The following OTOP2 variants were observed in gnomAD, a reference collection of about 807,000 sequenced individuals.
OTOP2 encodes the protein proton channel OTOP2.
Under a neutral mutation model 47.4 loss-of-function variants are expected in OTOP2, and 41 were observed. The observed-to-expected ratio is 0.87, with a 90% CI of 0.67 to 1.12. The LOEUF is 1.12. OTOP2 is among the 50% of genes most tolerant of loss of function. OTOP2 has a pLI of 0.00. For missense variants in OTOP2, 721 were observed against 752.2 expected (o/e 0.96, Z 0.49); for synonymous variants, 328 against 319.6 (o/e 1.03, Z -0.28).
In OTOP2 at chr17:74,924,767, G is replaced by A; in HGVS notation, c.135G>A (p.Thr45=). 1 of 1,610,252 alleles carries A rather than the reference G, an allele frequency of 6.2e-7. No homozygotes were observed. Among genetic ancestry groups the A allele is most frequent in the South Asian group, 1.1e-5 (1 of 90,534 alleles). The part of the protein sequence containing the change: ...LAVNVLLLAC[T]LISGGAFNKV... The stretch of plus-strand genomic sequence containing the variant: ...TGAACGTGCTGCTCCTCGCCTGCAC[G>A]CTCATCAGCGGCGGAGCCTTCAACA... Residue 45 remains threonine (T), a synonymous_variant, in exon 2 of 7, where the codon ACG becomes ACA. Transcript: ENST00000331427. This position sits in a 1 kb window ranked among gnomAD's most constrained non-coding sequence, Gnocchi z 7.7.
intron 5 of OTOP2, among the ~76,000 whole-genome samples, chr17:74,929,361 G>A (rs558632455): frequency 4.6e-5 from 7 of 152,270 alleles, no homozygotes; most frequent in South Asian, 2.1e-4. Flanking sequence ...AGAAAGGGAT[G>A]GAAGGAATGG....
At chr17:74,928,945 A>G (rs2039032678) in intron 5 of OTOP2, among the ~76,000 whole-genome samples, 2 of 152,110 alleles carry the variant, frequency 1.3e-5, no homozygotes, top group Non-Finnish European at 2.9e-5. Context: ...TGCAAAACCA[A>G]ACCAGGGAGG....
chr17:74,931,075 C>T lies in OTOP2; in HGVS notation c.1440C>T (p.Ile480=), dbSNP rs774834454. Residue 480 remains isoleucine, a synonymous_variant, in exon 6 of 7, where the codon ATC becomes ATT. Transcript: ENST00000331427. The part of the protein sequence containing the change: ...SPSDQREAVA[I]VSTPRSQWRR... ...CAGACCAGCGGGAAGCAGTGGCCAT[C>T]GTCTCAACCCCCAGAAGCCAGTGGA... 1.1e-5 allele frequency: 17 copies of T among 1,614,098 alleles called. No homozygotes were observed. Among genetic ancestry groups the T allele is most frequent in the South Asian group, 8.8e-5 (8 of 91,058 alleles).
At position 74,930,856 on chromosome 17, in the gene OTOP2, A is replaced by G; in HGVS notation, c.1221A>G (p.Ala407=). 10 of 1,613,982 alleles carry G rather than the reference A, an allele frequency of 6.2e-6. No homozygotes were observed. The highest frequency in any genetic ancestry group is 8.5e-6 in the Non-Finnish European group (10 of 1,179,984). Residue 407 remains alanine, a synonymous_variant, in exon 6 of 7, where the codon GCA becomes GCG. Transcript: ENST00000331427. This position sits in a 1 kb window ranked among gnomAD's most constrained non-coding sequence, Gnocchi z 4.0. ...DLLAGLNLTH[A]LLMIAQHTFQ... is the part of the protein sequence containing the mutation. ...TGGCAGGGCTCAACCTCACCCATGC[A>G]CTGCTCATGATCGCCCAGCACACCT...
chr17:74,925,004 C>A (rs1567943343), intron 2 of OTOP2, 59 bp downstream of exon 2: 7 of 1,479,256 alleles, frequency 4.7e-6, no homozygotes. Flanking sequence ...CAGGCTAGGG[C>A]TCTCGCAGGA....
In OTOP2 at chr17:74,933,324, C is replaced by T; in HGVS notation, c.1519-51C>T. 2 of 1,554,356 alleles carry T rather than the reference C, an allele frequency of 1.3e-6. No individual in the cohort carries two copies. Reference sequence around the variant, plus strand: ...GCCCAGCAAAACCCACAGAAATGACCCACAGGCATCCATCCAGGCCAGCTC... The same window carrying T: ...GCCCAGCAAAACCCACAGAAATGACTCACAGGCATCCATCCAGGCCAGCTC... On this transcript the variant is annotated intron_variant, in intron 6 of 6. Transcript: ENST00000331427. The surrounding 1 kb of genome is among the most constrained non-coding windows in gnomAD (Gnocchi z 4.7).
intron 3 of OTOP2, among the ~76,000 whole-genome samples, chr17:74,926,751 TTCTTTTC>T (rs1403151942): frequency 6.6e-6 from 1 of 152,038 alleles, no homozygotes; most frequent in Non-Finnish European, 1.5e-5. Context: ...TTTTTCTTTT[TTCTTTTC>T]TTTTCCTTTT....
In OTOP2 at chr17:74,930,003, C is replaced by T. The variant is rs192321376; in HGVS notation, c.644-276C>T. On this transcript the variant is annotated intron_variant, in intron 5 of 6. Transcript: ENST00000331427. This position sits in a 1 kb window ranked among gnomAD's most constrained non-coding sequence, Gnocchi z 4.0. ...TTCAAGACCAGCCTGGCCAACATGG[C>T]GAAACCCTGTCTCTACTAAAAATAT... Among the ~76,000 whole-genome samples, 626 of 152,124 alleles carry T rather than the reference C, an allele frequency of 4.1e-3. 5 individuals are homozygous for T. The highest frequency in any genetic ancestry group is 7.0e-3 in the Non-Finnish European group (477 of 67,998).
At chr17:74,928,092 T>G in intron 5 of OTOP2, 1 of 359,384 alleles carries the variant, frequency 2.8e-6, no homozygotes. Flanking sequence ...CTTGTAATCC[T>G]AGCACTTTGG....
chr17:74,929,509 T>C (rs577311623), intron 5 of OTOP2, among the ~76,000 whole-genome samples: 3 of 152,316 alleles, frequency 2.0e-5, no homozygotes, highest in East Asian at 3.9e-4. Context: ...CACTGCAACC[T>C]CTGCCTCCTG....
At position 74,924,321 on chromosome 17, in the gene OTOP2, C is replaced by T. The variant is rs948913944; in HGVS notation, c.-46C>T. The T allele has an allele frequency of 5.3e-6, 2 of 380,792 alleles. No homozygotes were observed. The highest frequency in any genetic ancestry group is 4.2e-5 in the African/African-American group (2 of 47,978). The allele number at this position is 380,792 out of a possible 1,614,324, so 23.6% of individuals were successfully genotyped here. ...CTGACCCCCAGCTCAGCGCCGGCTC[C>T]AAGCCCAGCCAGGTGGGTGCCCCGG... On this transcript the variant is annotated 5_prime_UTR_variant, in exon 1 of 7. Transcript: ENST00000331427. The surrounding 1 kb of genome is among the most constrained non-coding windows in gnomAD (Gnocchi z 7.7).
intron 2 of OTOP2, among the ~76,000 whole-genome samples, chr17:74,925,256 A>T (rs1307063588): frequency 2.0e-5 from 3 of 152,056 alleles, no homozygotes; most frequent in Non-Finnish European, 2.9e-5. Context: ...GAAAGAGCTC[A>T]GCCAGGGCCC....
rs1598589598 is a variant in OTOP2 at position 74,924,604 on chromosome 17, C to T, written c.-29C>T. ...TTGTCCGCTCCTCCCCTACAGTGAT[C>T]CCTCTAGCCTTCTCCAGTCGCCTCC... On this transcript the variant is annotated 5_prime_UTR_variant, in exon 2 of 7. Transcript: ENST00000331427. This position sits in a 1 kb window ranked among gnomAD's most constrained non-coding sequence, Gnocchi z 7.7. 1 of 1,509,256 alleles carries T rather than the reference C, an allele frequency of 6.6e-7. No homozygotes were observed. The highest frequency in any genetic ancestry group is 2.3e-5 in the East Asian group (1 of 42,988). The allele number at this position is 1,509,256 out of a possible 1,614,324, so 93.5% of individuals were successfully genotyped here. A position where few individuals can be genotyped will look rare whatever the true frequency, so the allele number is the denominator to read the frequency against.
intron 3 of OTOP2, among the ~76,000 whole-genome samples, chr17:74,926,228 G>A (rs946103552): frequency 3.3e-5 from 5 of 152,170 alleles, no homozygotes; most frequent in African/African-American, 1.2e-4. Context: ...CCTCTATCAT[G>A]ACCAAAATGG....
At chr17:74,927,093 G>A in intron 3 of OTOP2, 130 bp from the exon 4 acceptor site, 1 of 892,768 alleles carries the variant, frequency 1.1e-6, no homozygotes, top group Non-Finnish European at 1.9e-6. Context: ...ATTTTGTGAA[G>A]CTAAAATGAA....
Position 74,927,212 on chromosome 17 carries a change from T to G in OTOP2, c.451-11T>G. 1 of 1,607,978 alleles carries G rather than the reference T, an allele frequency of 6.2e-7. No homozygotes were observed. Among genetic ancestry groups the G allele is most frequent in the Non-Finnish European group, 8.5e-7 (1 of 1,174,396 alleles). ...GGAGTAAATGACTCTCACCAATGTC[T>G]CTCCATACAGACCTACTTTCTCTGG... On this transcript the variant is annotated splice_polypyrimidine_tract_variant and intron_variant, in intron 3 of 6. Transcript: ENST00000331427.
chr17:74,933,727 G>T lies in OTOP2; in HGVS notation c.*182G>T. On this transcript the variant is annotated 3_prime_UTR_variant, in exon 7 of 7. Transcript: ENST00000331427. The surrounding 1 kb of genome is among the most constrained non-coding windows in gnomAD (Gnocchi z 4.7). ...AATTTTTAAATCACAGTCAGGACAG[G>T]CCCATCCACCCCAGTATGACCGTGG... 4.4e-6 allele frequency: 3 copies of T among 688,718 alleles called. No individual in the cohort carries two copies. The East Asian group carries it at 8.4e-5, about 19-fold the overall frequency. 42.7% of individuals were successfully genotyped at this position (688,718 alleles called of 1,614,324 possible).
In OTOP2 at chr17:74,924,875, C is replaced by A. The variant is rs2144762795; in HGVS notation, c.243C>A (p.Leu81=). 1 of 1,603,042 alleles carries A rather than the reference C, an allele frequency of 6.2e-7. No homozygotes were observed. The change falls in exon 2 of 7, where the codon CTC becomes CTA. Residue 81 remains leucine, a synonymous_variant. Transcript: ENST00000331427. The surrounding 1 kb of genome is among the most constrained non-coding windows in gnomAD (Gnocchi z 7.7). ...CAACGCTCTGGATCCTCTTCTACCT[C>A]CTCCGAACCGTGCGCTGCCCCTGCG... The part of the protein sequence containing the change: ...LLATLWILFY[L]LRTVRCPCAV...
rs760260294 is a variant in OTOP2, at chr17:74,930,320, A to G, written c.685A>G (p.Ser229Gly). The G allele has an allele frequency of 1.2e-6, 2 of 1,614,078 alleles. No homozygotes were observed. Among genetic ancestry groups the G allele is most frequent in the Admixed American group, 3.3e-5 (2 of 60,032 alleles). The change falls in exon 6 of 7, where the codon AGC becomes GGC. Residue 229 changes from serine to glycine, a missense_variant. Transcript: ENST00000331427. The surrounding 1 kb of genome is among the most constrained non-coding windows in gnomAD (Gnocchi z 4.0). ...NPVGGDSCLCSTAVCQIFQQG... is the reference protein window; with the variant it reads ...NPVGGDSCLCGTAVCQIFQQG... ...GGTCGGAGGAGACTCCTGCCTCTGC[A>G]GCACGGCCGTCTGCCAGATCTTCCA...
Sources: gnomAD v4.1 joint callset for allele counts (sites outside exome capture counted in the v4.1 genomes callset) on GRCh38, gnomAD v4.1.1 for gene constraint, Gnocchi (gnomAD v3.1) non-coding constraint, MANE v1.5 for transcripts, NCBI Gene and HGNC (gene_info 2026-07-23, HGNC 2026-07-21) for gene names.